Variants in CEP128 observed in about 807,000 individuals in gnomAD.
CEP128 encodes centrosomal protein 128, also known as centrosomal protein 128kDa.
A neutral mutation model predicts 156.7 loss-of-function variants in CEP128; 132 were observed. The observed-to-expected ratio is 0.84, with a 90% CI of 0.73 to 0.97. The LOEUF is 0.97. Among genes scored for constraint, CEP128 ranks in the 50% least tolerant of loss-of-function variants. The pLI is 0.00. For synonymous variants in CEP128, 469 were observed against 448.9 expected, an observed-to-expected ratio of 1.04 and a Z score of -0.57; for missense variants, 1,252 against 1,281.9, an observed-to-expected ratio of 0.98 and a Z score of 0.36.
rs1029066572 is a variant in CEP128, at chr14:80,761,489, T to A, written c.2501A>T (p.Glu834Val). Residue 834 changes from glutamate to valine, a missense_variant, in exon 17 of 25, where the codon GAA becomes GTA. Physicochemically the swap from Glu to Val is moderately radical, Grantham distance 121. Coordinates refer to ENST00000555265, the MANE Select transcript of CEP128 (RefSeq NM_152446.5). ...QESILGVIGK[E>V]IDAACKTFSK... ...GAATGTTTTACAAGCTGCATCAATT[T>A]CCTTTCCTATCACACCAAGAATGGA... is the stretch of plus-strand genomic sequence containing the variant. 2.9e-5 allele frequency: 47 copies of A among 1,612,292 alleles called. No individual in the cohort carries two copies. The highest frequency in any genetic ancestry group is 3.7e-5 in the Non-Finnish European group (44 of 1,178,824).
chr14:80,573,911 C>T lies in CEP128; in HGVS notation c.2856+6463G>A, dbSNP rs186624763. On this transcript the variant is annotated intron_variant, in intron 20 of 24. Coordinates refer to ENST00000555265, the MANE Select transcript of CEP128 (RefSeq NM_152446.5). ...AACACTGTATTTTGTTTTGTTTATGCCATTGCTTAGAACAATTATTTTTAA... is the reference window on the plus strand; with the variant it reads ...AACACTGTATTTTGTTTTGTTTATGTCATTGCTTAGAACAATTATTTTTAA... 1.5e-4 allele frequency among the ~76,000 whole-genome samples: 23 copies of T among 152,252 alleles called. No homozygotes were observed. The East Asian group carries it at 3.7e-3, about 24-fold the overall frequency.
intron 19 of CEP128, among the ~76,000 whole-genome samples, chr14:80,740,506 A>G (rs1259225957): frequency 9.3e-6 from 1 of 107,450 alleles, no homozygotes; most frequent in Non-Finnish European, 2.1e-5. Flanking sequence ...AGATAGATAG[A>G]TAGATAGATA....
chr14:80,865,941 A>C (rs897869593), intron 8 of CEP128, among the ~76,000 whole-genome samples: 1 of 152,164 alleles, frequency 6.6e-6, no homozygotes, highest in Non-Finnish European at 1.5e-5. Context: ...GGACCCAGCA[A>C]AGCCACACCT....
upstream of CEP128, among the ~76,000 whole-genome samples, chr14:80,944,872 CA>C (rs1886300819): frequency 2.7e-5 from 1 of 36,372 alleles, no homozygotes; most frequent in Non-Finnish European, 6.1e-5. Flanking sequence ...AAAAACAGAA[CA>C]AAACAAAAAA....
Position 80,777,926 on chromosome 14 carries a change from G to T in CEP128, c.2332C>A (p.Leu778Met), listed in dbSNP as rs756348147. Residue 778 changes from leucine to methionine, a missense_variant, in exon 16 of 25, where the codon CTG becomes ATG. Leu to Met is a conservative substitution (Grantham distance 15, BLOSUM62 2). Transcript: ENST00000555265. ...LTQNENENKK[L>M]KLKYQCLKDQ... Reference sequence around the variant, plus strand: ...TTCAAACATTGATATTTTAGCTTCAGTTTTTTGTTCTCATTTTCATTCTGG... The same window carrying T: ...TTCAAACATTGATATTTTAGCTTCATTTTTTTGTTCTCATTTTCATTCTGG... 5.0e-6 allele frequency: 8 copies of T among 1,611,808 alleles called. No individual in the cohort carries two copies. Among genetic ancestry groups the T allele is most frequent in the Non-Finnish European group, 5.9e-6 (7 of 1,178,604 alleles).
intron 23 of CEP128, among the ~76,000 whole-genome samples, chr14:80,520,986 C>G (rs1021161494): frequency 7.0e-6 from 1 of 142,766 alleles, no homozygotes; most frequent in African/African-American, 2.6e-5. Flanking sequence ...CCACGCCCAG[C>G]TAATTTTTTT....
At chr14:80,959,121 T>C (rs536599945) in intron 1 of CEP128, among the ~76,000 whole-genome samples, 16 of 152,262 alleles carry the variant, frequency 1.1e-4, no homozygotes, top group Admixed American at 7.2e-4. Flanking sequence ...TTACGGACTG[T>C]GGCCCTCACT....
chr14:80,851,800 T>G (rs888127203), intron 9 of CEP128, among the ~76,000 whole-genome samples: 17 of 151,836 alleles, frequency 1.1e-4, no homozygotes, highest in Admixed American at 6.6e-4. Context: ...ATGGAAATAC[T>G]AAGGAAAGAT....
At chr14:80,602,607 T>C (rs889447285) in intron 19 of CEP128, among the ~76,000 whole-genome samples, 2 of 152,024 alleles carry the variant, frequency 1.3e-5, no homozygotes, top group African/African-American at 4.8e-5. Context: ...CCGTCTCTTC[T>C]AAAAATACAA....
At chr14:80,727,055 C>G (rs192981790) in intron 19 of CEP128, among the ~76,000 whole-genome samples, 1 of 152,100 alleles carries the variant, frequency 6.6e-6, no homozygotes, top group Non-Finnish European at 1.5e-5. Context: ...GTCACCTGAA[C>G]ATGGTTATGG....
chr14:80,830,788 A>C (rs1017865925), intron 13 of CEP128: 6 of 200,024 alleles, frequency 3.0e-5, no homozygotes, highest in African/African-American at 1.4e-4. Flanking sequence ...TTTCACCCGC[A>C]AAATAAATAA....
At chr14:80,810,301 C>CCATTGCACTCCA (rs1884437138) in intron 13 of CEP128, among the ~76,000 whole-genome samples, 1 of 98,752 alleles carries the variant, frequency 1.0e-5, no homozygotes, top group Non-Finnish European at 1.9e-5. Flanking sequence ...CCAGCCTGGG[C>CCATTGCACTCCA]GACAGAGCAA....
At chr14:80,943,957 G>A (rs569160215), upstream of CEP128, among the ~76,000 whole-genome samples, 35 of 149,904 alleles carry the variant, frequency 2.3e-4, no homozygotes, top group Non-Finnish European at 4.6e-4. Flanking sequence ...TGGTGCCACT[G>A]CACTCCAGCC....
At chr14:80,881,167 C>T (rs1888535575) in intron 8 of CEP128, among the ~76,000 whole-genome samples, 1 of 151,644 alleles carries the variant, frequency 6.6e-6, no homozygotes, top group African/African-American at 2.4e-5. Flanking sequence ...ATAAAATTGA[C>T]AAACCTTTAG....
intron 9 of CEP128, among the ~76,000 whole-genome samples, chr14:80,850,943 A>G (rs1348956408): frequency 1.3e-5 from 2 of 152,202 alleles, no homozygotes; most frequent in African/African-American, 2.4e-5. Context: ...TTCTTGAAGA[A>G]TGTTTATGGA....
intron 19 of CEP128, among the ~76,000 whole-genome samples, chr14:80,735,398 C>A (rs944837665): frequency 1.3e-5 from 2 of 152,070 alleles, no homozygotes; most frequent in African/African-American, 2.4e-5. Flanking sequence ...TACCACGTTT[C>A]GCACATTTCC....
At chr14:80,738,117 T>C (rs1003944733) in intron 19 of CEP128, among the ~76,000 whole-genome samples, 1 of 152,168 alleles carries the variant, frequency 6.6e-6, no homozygotes, top group Non-Finnish European at 1.5e-5. Context: ...TCTGAAAAAC[T>C]GTGAAATGAT....
At chr14:80,681,818 G>A (rs925075414) in intron 19 of CEP128, among the ~76,000 whole-genome samples, 2 of 152,124 alleles carry the variant, frequency 1.3e-5, no homozygotes, top group Admixed American at 1.3e-4. Context: ...AGCAACAAGA[G>A]AACAGTCTAA....
At chr14:80,788,424 G>A (rs1901533140) in intron 14 of CEP128, among the ~76,000 whole-genome samples, 1 of 149,606 alleles carries the variant, frequency 6.7e-6, no homozygotes, top group South Asian at 2.1e-4. Flanking sequence ...TTGGATTATA[G>A]ATTGTAGACT....
Sources: allele counts gnomAD v4.1 joint callset (sites outside exome capture counted in the v4.1 genomes callset), GRCh38; gene constraint gnomAD v4.1.1; transcripts MANE v1.5; gene names NCBI Gene and HGNC (gene_info 2026-07-23, HGNC 2026-07-21).